KLHL1: variants seen among roughly 807,000 people sequenced by gnomAD.
The protein encoded by KLHL1 is kelch-like protein 1.
KLHL1 carries 47 observed loss-of-function variants against 77.7 expected under a neutral mutation model. That is an observed-to-expected ratio of 0.60 (90% CI 0.48 to 0.77). The LOEUF is 0.77. Among genes scored for constraint, KLHL1 ranks in the 30% least tolerant of loss-of-function variants. KLHL1 has a pLI of 0.00. For synonymous variants in KLHL1, 360 were observed against 325.2 expected, an observed-to-expected ratio of 1.11 and a Z score of -1.15; for missense variants, 925 against 910.8, an observed-to-expected ratio of 1.02 and a Z score of -0.20.
chr13:69,822,069 G>A (rs1359485431), intron 6 of KLHL1, among the ~76,000 whole-genome samples: 1 of 151,654 alleles, frequency 6.6e-6, no homozygotes, highest in African/African-American at 2.4e-5. Context: ...TGTAGTGGCG[G>A]GTGCTTGTAA....
intron 3 of KLHL1, among the ~76,000 whole-genome samples, chr13:69,945,300 G>A (rs536139358): frequency 1.3e-5 from 2 of 151,746 alleles, no homozygotes; most frequent in South Asian, 4.2e-4. Context: ...ACCAAACTTT[G>A]TTAATTAAAA....
intron 8 of KLHL1, among the ~76,000 whole-genome samples, chr13:69,737,865 C>A (rs1451526045): frequency 6.6e-6 from 1 of 152,170 alleles, no homozygotes; most frequent in African/African-American, 2.4e-5. Context: ...CCCAGCACAG[C>A]ACACCTGCCC....
At chr13:69,960,110 CTTTTTT>C (rs58284665) in intron 3 of KLHL1, among the ~76,000 whole-genome samples, 1 of 124,236 alleles carries the variant, frequency 8.0e-6, no homozygotes, top group Admixed American at 8.7e-5. Flanking sequence ...AGCATGTGTA[CTTTTTT>C]TTTTTTTTTT....
intron 4 of KLHL1, among the ~76,000 whole-genome samples, chr13:69,916,303 T>C (rs9529656): frequency 0.55 from 79,066 of 144,972 alleles, 20,386 homozygotes; most frequent in South Asian, 0.62. Flanking sequence ...ATGTTTATTG[T>C]GGCACTATTC....
intron 1 of KLHL1, among the ~76,000 whole-genome samples, chr13:70,009,871 A>AG (rs1215973005): frequency 1.3e-5 from 2 of 152,196 alleles, no homozygotes; most frequent in East Asian, 3.8e-4. Context: ...AAAAAAGGTC[A>AG]GAAAAAAAAC....
intron 6 of KLHL1, among the ~76,000 whole-genome samples, chr13:69,813,503 C>CACACACACACATATAT (rs34163072): frequency 3.5e-4 from 52 of 148,914 alleles, no homozygotes; most frequent in African/African-American, 1.2e-3. Context: ...CACACACACA[C>CACACACACACATATAT]ATATATATAT....
intron 8 of KLHL1, among the ~76,000 whole-genome samples, chr13:69,736,934 C>T (rs1873790324): frequency 6.6e-6 from 1 of 152,096 alleles, no homozygotes; most frequent in African/African-American, 2.4e-5. Context: ...CTGCTCTCGG[C>T]TCCCAGTGAG....
chr13:69,841,585 T>A (rs189498490), intron 5 of KLHL1, among the ~76,000 whole-genome samples: 1 of 151,818 alleles, frequency 6.6e-6, no homozygotes, highest in African/African-American at 2.4e-5. Context: ...AAAAATCCCA[T>A]GCTCACAGAT....
At chr13:70,027,665 T>TTTTTTTTTTTTA (rs57773730) in intron 1 of KLHL1, among the ~76,000 whole-genome samples, 1 of 151,052 alleles carries the variant, frequency 6.6e-6, no homozygotes, top group African/African-American at 2.4e-5. Context: ...TTTTTTTTTT[T>TTTTTTTTTTTTA]ATGAACTGAA....
At chr13:69,781,651 T>A (rs1197988126) in intron 7 of KLHL1, among the ~76,000 whole-genome samples, 5 of 152,176 alleles carry the variant, frequency 3.3e-5, no homozygotes, top group African/African-American at 7.2e-5. Flanking sequence ...ATTGTAATCA[T>A]CTTTTTACCC....
At chr13:69,775,984 C>T (rs1225524359) in intron 7 of KLHL1, among the ~76,000 whole-genome samples, 1 of 146,828 alleles carries the variant, frequency 6.8e-6, no homozygotes, top group Non-Finnish European at 1.5e-5. Context: ...AGCCCTGTCT[C>T]TACTAAAATA....
At chr13:70,008,168 A>C in intron 1 of KLHL1, among the ~76,000 whole-genome samples, 1 of 151,972 alleles carries the variant, frequency 6.6e-6, no homozygotes, top group Admixed American at 6.6e-5. Context: ...GAGATAGTTT[A>C]TTTGTATTTT....
intron 6 of KLHL1, among the ~76,000 whole-genome samples, chr13:69,814,547 TCAA>T: frequency 6.6e-6 from 1 of 151,794 alleles, no homozygotes; most frequent in Non-Finnish European, 1.5e-5. Context: ...TTAAAAAAAA[TCAA>T]CAAGTAAAGT....
chr13:69,723,962 C>T (rs1275313180), intron 8 of KLHL1, among the ~76,000 whole-genome samples: 1 of 151,770 alleles, frequency 6.6e-6, no homozygotes, highest in Admixed American at 6.6e-5. Flanking sequence ...CTCAGCCTCC[C>T]AAGTAGCTGG....
At position 69,898,798 on chromosome 13, in the gene KLHL1, T is replaced by G. The variant is rs78513071; in HGVS notation, c.1015-16303A>C. Among the ~76,000 whole-genome samples, 634 of 152,266 alleles carry G rather than the reference T, an allele frequency of 4.2e-3. 4 individuals are homozygous for G. The highest frequency in any genetic ancestry group is 7.2e-3 in the Non-Finnish European group (492 of 68,020). ...ATAAAAAACTATCCTTGAGACATTT[T>G]TTTCTATTCAATGCCACATGTAGCT... On this transcript the variant is annotated intron_variant, in intron 4 of 10. Coordinates refer to ENST00000377844, the MANE Select transcript of KLHL1 (RefSeq NM_020866.3).
chr13:69,905,275 G>A (rs948865991), intron 4 of KLHL1, among the ~76,000 whole-genome samples: 11 of 152,134 alleles, frequency 7.2e-5, no homozygotes, highest in Non-Finnish European at 1.5e-5. Context: ...TAATATAGAA[G>A]TGCTCTTTGA....
At chr13:69,744,524 C>T (rs998704930) in intron 7 of KLHL1, among the ~76,000 whole-genome samples, 4 of 150,280 alleles carry the variant, frequency 2.7e-5, no homozygotes, top group African/African-American at 9.7e-5. Context: ...TATATAAATA[C>T]ATATTAAATT....
At chr13:69,988,921 T>C (rs1179737553) in intron 1 of KLHL1, among the ~76,000 whole-genome samples, 1 of 152,132 alleles carries the variant, frequency 6.6e-6, no homozygotes, top group Non-Finnish European at 1.5e-5. Flanking sequence ...GGTTGTCTGT[T>C]TGTTCTGTTG....
intron 1 of KLHL1, among the ~76,000 whole-genome samples, chr13:69,979,390 C>A (rs9989091): frequency 0.46 from 69,778 of 151,718 alleles, 16,223 homozygotes; most frequent in African/African-American, 0.48. Context: ...TCTCCTCAAC[C>A]TTATACTTAA....
Sources: gnomAD v4.1 joint callset for allele counts (sites outside exome capture counted in the v4.1 genomes callset) on GRCh38, gnomAD v4.1.1 for gene constraint, MANE v1.5 for transcripts, NCBI Gene and HGNC (gene_info 2026-07-23, HGNC 2026-07-21) for gene names.